Variants in COL5A2 observed in about 807,000 individuals in gnomAD.
COL5A2 encodes collagen alpha-2(V) chain.
Under a neutral mutation model 208.2 loss-of-function variants are expected in COL5A2, and 23 were observed. The observed-to-expected ratio is 0.11, with a 90% CI of 0.08 to 0.16. The LOEUF is 0.16. COL5A2 is among the 10% of genes least tolerant of loss of function. COL5A2 has a pLI of 1.00. For synonymous variants in COL5A2, 625 were observed against 628.5 expected, an observed-to-expected ratio of 0.99 and a Z score of 0.08; for missense variants, 1,590 against 1,956.4, an observed-to-expected ratio of 0.81 and a Z score of 3.53.
intron 5 of COL5A2, 30 bp downstream of exon 5, chr2:189,098,697 G>C (rs768557883): frequency 1.9e-6 from 3 of 1,565,596 alleles, no homozygotes; most frequent in Non-Finnish European, 1.8e-6. Context: ...GAATACAAGA[G>C]TACCAAGAAT....
intron 43 of COL5A2, among the ~76,000 whole-genome samples, chr2:189,050,177 T>C (rs1032615870): frequency 8.5e-5 from 13 of 152,208 alleles, no homozygotes; most frequent in Admixed American, 6.5e-4. Flanking sequence ...AGCTCAACTA[T>C]GTCTTCCCTT....
chr2:189,372,522 A>G, the COL5A2 span, among the ~76,000 whole-genome samples: 1 of 152,314 alleles, frequency 6.6e-6, no homozygotes, highest in South Asian at 2.1e-4. Flanking sequence ...CATATAAAAC[A>G]TTAAAAATAA....
the COL5A2 span, among the ~76,000 whole-genome samples, chr2:189,345,028 A>T: frequency 4.6e-5 from 7 of 152,206 alleles, no homozygotes; most frequent in Admixed American, 4.6e-4. Flanking sequence ...GGCTTTATGC[A>T]TGTGCTGCAA....
At chr2:189,044,063 T>C (rs8179710) in intron 47 of COL5A2, among the ~76,000 whole-genome samples, 1 of 152,274 alleles carries the variant, frequency 6.6e-6, no homozygotes, top group East Asian at 1.9e-4. Context: ...AGGGAACGAG[T>C]GGTTCACAGT....
chr2:189,039,904 TTTTC>T (rs1685522669), intron 50 of COL5A2, among the ~76,000 whole-genome samples: 3 of 152,150 alleles, frequency 2.0e-5, no homozygotes, highest in Non-Finnish European at 4.4e-5. Flanking sequence ...TTGCAAACTA[TTTTC>T]GTCAAGGTAC....
chr2:189,151,753 T>C (rs1688146751), intron 1 of COL5A2, among the ~76,000 whole-genome samples: 2 of 152,212 alleles, frequency 1.3e-5, no homozygotes, highest in African/African-American at 4.8e-5. Context: ...AAAACTCTGC[T>C]GTAATGGAGC....
chr2:189,388,879 A>G, the COL5A2 span, among the ~76,000 whole-genome samples: 1 of 152,106 alleles, frequency 6.6e-6, no homozygotes, highest in South Asian at 2.1e-4. Flanking sequence ...TGTTCTAGGC[A>G]CTGATACTAA....
chr2:189,038,520 G>A (rs887099967), intron 51 of COL5A2, among the ~76,000 whole-genome samples: 10 of 152,096 alleles, frequency 6.6e-5, no homozygotes, highest in Non-Finnish European at 1.3e-4. Flanking sequence ...TTGGTAGAAC[G>A]ATTTATTTTC....
the COL5A2 span, among the ~76,000 whole-genome samples, chr2:189,325,280 C>T: frequency 5.7e-4 from 86 of 151,488 alleles, 5 homozygotes; most frequent in Non-Finnish European, 1.5e-5. Context: ...CAAACCTGCA[C>T]ATTGTGCACA....
chr2:189,265,173 T>C, the COL5A2 span, among the ~76,000 whole-genome samples: 1 of 152,182 alleles, frequency 6.6e-6, no homozygotes, highest in Admixed American at 6.6e-5. Context: ...GAGTAAATCA[T>C]TGTGACCTTA....
At chr2:189,251,161 T>C in the COL5A2 span, among the ~76,000 whole-genome samples, 1 of 152,164 alleles carries the variant, frequency 6.6e-6, no homozygotes, top group East Asian at 1.9e-4. Context: ...TAAATATTTG[T>C]TGAATATGAA....
the COL5A2 span, among the ~76,000 whole-genome samples, chr2:189,396,226 TCA>T: frequency 6.6e-6 from 1 of 152,206 alleles, no homozygotes; most frequent in Non-Finnish European, 1.5e-5. Flanking sequence ...AACCTCTCAT[TCA>T]CAGTTTGCTT....
intron 16 of COL5A2, among the ~76,000 whole-genome samples, chr2:189,078,273 A>C (rs1409211032): frequency 1.3e-5 from 2 of 152,166 alleles, no homozygotes; most frequent in African/African-American, 4.8e-5. Context: ...TTTTGTATTA[A>C]AGTAGATGAC....
the COL5A2 span, among the ~76,000 whole-genome samples, chr2:189,310,228 G>C: frequency 6.6e-6 from 1 of 151,990 alleles, no homozygotes; most frequent in Admixed American, 6.6e-5. Context: ...AAAATATAAA[G>C]GTAACAATCC....
the COL5A2 span, among the ~76,000 whole-genome samples, chr2:189,387,834 G>A: frequency 6.6e-6 from 1 of 152,166 alleles, no homozygotes; most frequent in Non-Finnish European, 1.5e-5. Context: ...TAGAAAGATG[G>A]GGTGCAATGG....
chr2:189,418,447 G>GA, the COL5A2 span, among the ~76,000 whole-genome samples: 1 of 152,178 alleles, frequency 6.6e-6, no homozygotes, highest in South Asian at 2.1e-4. Flanking sequence ...GACCTACATG[G>GA]AAAAAAGAGC....
intron 9 of COL5A2, 133 bp downstream of exon 9, chr2:189,086,593 C>A (rs1408374353): frequency 6.3e-6 from 4 of 636,592 alleles, no homozygotes; most frequent in Non-Finnish European, 1.1e-5. Context: ...TTTAATATAT[C>A]CTGTTTGAAG....
chr2:189,308,313 T>C, the COL5A2 span, among the ~76,000 whole-genome samples: 2 of 150,642 alleles, frequency 1.3e-5, no homozygotes, highest in African/African-American at 4.9e-5. Context: ...CCTTTGGCAC[T>C]CAGGCACAGC....
chr2:189,267,877 T>C, the COL5A2 span, among the ~76,000 whole-genome samples: 13 of 152,334 alleles, frequency 8.5e-5, no homozygotes, highest in Middle Eastern at 3.4e-3. Flanking sequence ...GCATATATTA[T>C]ATATTCTTGT....
Sources: gnomAD v4.1 joint callset for allele counts (sites outside exome capture counted in the v4.1 genomes callset) on GRCh38, gnomAD v4.1.1 for gene constraint, MANE v1.5 for transcripts, NCBI Gene and HGNC (gene_info 2026-07-23, HGNC 2026-07-21) for gene names.